The following FBXO15 variants were observed in gnomAD, a reference collection of about 807,000 sequenced individuals.
FBXO15 encodes F-box protein 15, also known as F-box only protein 15.
Under a neutral mutation model 49.5 loss-of-function variants are expected in FBXO15, and 30 were observed. The ratio of observed to expected loss-of-function variants is 0.61; its 90% CI spans 0.45 to 0.82. The LOEUF is 0.82. FBXO15 is among the 40% of genes least tolerant of loss of function. The pLI is 0.00. For synonymous variants in FBXO15, 250 were observed against 232.7 expected (o/e 1.07, Z -0.68); for missense variants, 591 against 631.5 (o/e 0.94, Z 0.69).
In FBXO15 at chr18:74,125,957, C is replaced by G; in HGVS notation, c.912+18G>C. On this transcript the variant is annotated intron_variant, in intron 6 of 9. Coordinates refer to ENST00000419743, the MANE Select transcript of FBXO15 (RefSeq NM_001142958.2). ...TGATGGGGAAATGACACAGTACATACAGGGACTCAAGTCTTACCTTCCACA... is the reference window on the plus strand; with the variant it reads ...TGATGGGGAAATGACACAGTACATAGAGGGACTCAAGTCTTACCTTCCACA... 1 of 1,613,436 alleles carries G rather than the reference C, an allele frequency of 6.2e-7. No homozygotes were observed. Among genetic ancestry groups the G allele is most frequent in the Non-Finnish European group, 8.5e-7 (1 of 1,179,770 alleles).
At chr18:74,094,090 C>T (rs1344498732) in intron 8 of FBXO15, among the ~76,000 whole-genome samples, 1 of 152,188 alleles carries the variant, frequency 6.6e-6, no homozygotes, top group African/African-American at 2.4e-5. Flanking sequence ...ACATCTCCAT[C>T]AGAGCTCTTG....
intron 4 of FBXO15, among the ~76,000 whole-genome samples, 161 bp from the exon 5 acceptor site, chr18:74,129,775 C>G (rs1265049491): frequency 2.0e-5 from 3 of 152,162 alleles, no homozygotes; most frequent in Non-Finnish European, 4.4e-5. Flanking sequence ...CAATAGTACT[C>G]TCTTTAGACT....
At chr18:74,105,960 T>C (rs1168107955) in intron 8 of FBXO15, among the ~76,000 whole-genome samples, 1 of 152,096 alleles carries the variant, frequency 6.6e-6, no homozygotes, top group Non-Finnish European at 1.5e-5. Flanking sequence ...AAAGCATAAA[T>C]GGATAAAAAT....
At chr18:74,093,935 T>C (rs1293755279) in intron 8 of FBXO15, among the ~76,000 whole-genome samples, 1 of 152,192 alleles carries the variant, frequency 6.6e-6, no homozygotes, top group Non-Finnish European at 1.5e-5. Context: ...TATAGACTTG[T>C]AAAAAGACAA....
At chr18:74,097,224 T>C (rs538668418) in intron 8 of FBXO15, 3 of 152,322 alleles carry the variant, frequency 2.0e-5, no homozygotes, top group Admixed American at 6.5e-5. Context: ...CTGAACGCAA[T>C]GTCTCCTGGC....
Position 74,129,389 on chromosome 18 carries a change from G to A in FBXO15, c.785+16C>T, listed in dbSNP as rs1296865565. 15 of 1,606,608 alleles carry A rather than the reference G, an allele frequency of 9.3e-6. No individual in the cohort carries two copies. Among genetic ancestry groups the A allele is most frequent in the African/African-American group, 2.7e-5 (2 of 74,736 alleles). On this transcript the variant is annotated intron_variant, in intron 5 of 9. Transcript: ENST00000419743. Reference sequence around the variant, plus strand: ...TAAGATGCTCTCACTCAACAGTTCTGCTGATTGGTACTTACCTATGTTTGG... The same window carrying A: ...TAAGATGCTCTCACTCAACAGTTCTACTGATTGGTACTTACCTATGTTTGG...
chr18:74,127,029 G>A (rs1167059837), intron 5 of FBXO15, among the ~76,000 whole-genome samples: 1 of 152,210 alleles, frequency 6.6e-6, no homozygotes, highest in Non-Finnish European at 1.5e-5. Context: ...ACCTCACTGT[G>A]GAGTCAGAGA....
intron 8 of FBXO15, among the ~76,000 whole-genome samples, chr18:74,096,682 A>G (rs1044985529): frequency 6.6e-6 from 1 of 152,110 alleles, no homozygotes; most frequent in East Asian, 1.9e-4. Flanking sequence ...CAACAACAAA[A>G]AACAGTAACT....
At chr18:74,147,368 A>C (rs1213955141) in intron 1 of FBXO15, among the ~76,000 whole-genome samples, 1 of 152,128 alleles carries the variant, frequency 6.6e-6, no homozygotes, top group South Asian at 2.1e-4. Context: ...TAGGGCACGC[A>C]TCCCGGAGAA....
intron 8 of FBXO15, among the ~76,000 whole-genome samples, chr18:74,117,999 A>G (rs1311244095): frequency 1.3e-5 from 2 of 149,670 alleles, no homozygotes; most frequent in African/African-American, 5.0e-5. Context: ...AGAATTCTAC[A>G]TACATATTTC....
intron 1 of FBXO15, 193 bp downstream of exon 1, chr18:74,147,477 G>A: frequency 8.2e-7 from 1 of 1,224,664 alleles, no homozygotes; most frequent in Middle Eastern, 3.2e-4. Flanking sequence ...CTCTATTTGT[G>A]TCATAACTTA....
intron 5 of FBXO15, among the ~76,000 whole-genome samples, chr18:74,128,175 T>A (rs182527445): frequency 9.9e-4 from 150 of 152,242 alleles, no homozygotes; most frequent in African/African-American, 3.5e-3. Flanking sequence ...ATTAAGAATA[T>A]TTTTAGAGTA....
intron 8 of FBXO15, among the ~76,000 whole-genome samples, chr18:74,117,669 T>C (rs145232553): frequency 2.0e-5 from 3 of 151,368 alleles, no homozygotes; most frequent in African/African-American, 7.3e-5. Context: ...CATGGGGAGG[T>C]GAAAGTACCC....
At chr18:74,082,105 C>T in intron 8 of FBXO15, 54 bp from the exon 9 acceptor site, 1 of 1,588,928 alleles carries the variant, frequency 6.3e-7, no homozygotes, top group Non-Finnish European at 8.6e-7. Flanking sequence ...AGATGACAAA[C>T]CAAGCACGTT....
At chr18:74,126,840 C>A (rs1978290062) in intron 5 of FBXO15, among the ~76,000 whole-genome samples, 1 of 152,240 alleles carries the variant, frequency 6.6e-6, no homozygotes, top group Non-Finnish European at 1.5e-5. Flanking sequence ...AGCATCAAAA[C>A]CAGATCCGCA....
chr18:74,093,390 A>C (rs911107054), intron 8 of FBXO15, among the ~76,000 whole-genome samples: 1 of 152,094 alleles, frequency 6.6e-6, no homozygotes, highest in African/African-American at 2.4e-5. Flanking sequence ...TCTGATGGTC[A>C]GGTGTGGTCT....
At chr18:74,124,710 G>C (rs186808820) in intron 6 of FBXO15, 139 bp from the exon 7 acceptor site, 3 of 686,504 alleles carry the variant, frequency 4.4e-6, no homozygotes, top group Non-Finnish European at 7.8e-6. Flanking sequence ...CAGTGCTAAT[G>C]CATTATTACT....
chr18:74,106,205 TACTC>T (rs1231109685), intron 8 of FBXO15, among the ~76,000 whole-genome samples: 1 of 152,064 alleles, frequency 6.6e-6, no homozygotes, highest in African/African-American at 2.4e-5. Context: ...AAAGGAGAAA[TACTC>T]AATCTAAAGA....
At chr18:74,121,055 A>C (rs970375055) in intron 8 of FBXO15, among the ~76,000 whole-genome samples, 8 of 152,202 alleles carry the variant, frequency 5.3e-5, no homozygotes, top group Non-Finnish European at 8.8e-5. Flanking sequence ...ATGCCAATAA[A>C]GTCAGCAACT....
Sources: gnomAD v4.1 joint callset for allele counts (sites outside exome capture counted in the v4.1 genomes callset) on GRCh38, gnomAD v4.1.1 for gene constraint, MANE v1.5 for transcripts, NCBI Gene and HGNC (gene_info 2026-07-23, HGNC 2026-07-21) for gene names.